WSCD2: variants seen among roughly 807,000 people sequenced by gnomAD.
WSCD2 encodes WSC domain sialate O sulfotransferase 2, also known as sialate:O-sulfotransferase 2.
WSCD2 carries 28 observed loss-of-function variants against 55.7 expected under a neutral mutation model. That is an observed-to-expected ratio of 0.50 (90% CI 0.37 to 0.69). The LOEUF (loss-of-function observed/expected upper bound fraction) is 0.69. WSCD2 is among the 30% of genes least tolerant of loss of function. The pLI is 0.00. For synonymous variants in WSCD2, 301 were observed against 301.9 expected (o/e 1.00, Z 0.03); for missense variants, 616 against 762.1 (o/e 0.81, Z 2.26).
intron 8 of WSCD2, among the ~76,000 whole-genome samples, chr12:108,241,373 A>C (rs1015456902): frequency 6.6e-5 from 10 of 152,288 alleles, no homozygotes; most frequent in African/African-American, 2.4e-4. Context: ...GAGTATTCTT[A>C]ACCGTTCTCA....
intron 1 of WSCD2, among the ~76,000 whole-genome samples, chr12:108,166,398 A>G (rs924640486): frequency 6.6e-6 from 1 of 152,180 alleles, no homozygotes; most frequent in Non-Finnish European, 1.5e-5. Flanking sequence ...CTACATTGAG[A>G]TTCTTAGGGT....
At chr12:108,233,838 G>A (rs970528041) in intron 7 of WSCD2, among the ~76,000 whole-genome samples, 4 of 152,250 alleles carry the variant, frequency 2.6e-5, no homozygotes, top group Admixed American at 2.0e-4. Flanking sequence ...CATCAGGGAA[G>A]CAAGGCCTCC....
At chr12:108,208,465 G>A (rs1265793970) in intron 3 of WSCD2, among the ~76,000 whole-genome samples, 1 of 152,156 alleles carries the variant, frequency 6.6e-6, no homozygotes, top group Non-Finnish European at 1.5e-5. Flanking sequence ...AGGGATGGAG[G>A]GCTCCATGTG....
chr12:108,236,819 TTCTC>T (rs1946112208), intron 7 of WSCD2, among the ~76,000 whole-genome samples: 3 of 152,240 alleles, frequency 2.0e-5, no homozygotes, highest in Admixed American at 1.3e-4. Context: ...AACTGTGTCT[TTCTC>T]TCTCACTGTT....
intron 1 of WSCD2, among the ~76,000 whole-genome samples, chr12:108,146,014 T>C (rs908665742): frequency 5.3e-5 from 8 of 152,196 alleles, no homozygotes; most frequent in Admixed American, 6.5e-5. Context: ...GGTAGTTACC[T>C]CGACTGGAGA....
intron 1 of WSCD2, among the ~76,000 whole-genome samples, chr12:108,141,668 T>A (rs1876824014): frequency 6.6e-6 from 1 of 152,178 alleles, no homozygotes. Flanking sequence ...GGATAATCTC[T>A]CCATCCCAAA....
chr12:108,142,006 C>T (rs1474514485), intron 1 of WSCD2, among the ~76,000 whole-genome samples: 1 of 152,184 alleles, frequency 6.6e-6, no homozygotes, highest in African/African-American at 2.4e-5. Context: ...CACAGCCTTC[C>T]AGGGAGAGGT....
chr12:108,205,486 A>C (rs1367964873), intron 2 of WSCD2, among the ~76,000 whole-genome samples: 1 of 152,252 alleles, frequency 6.6e-6, no homozygotes, highest in African/African-American at 2.4e-5. Flanking sequence ...TATTTACCAT[A>C]AAGTGCAAGA....
At chr12:108,174,663 C>T (rs984441692) in intron 1 of WSCD2, among the ~76,000 whole-genome samples, 2 of 152,150 alleles carry the variant, frequency 1.3e-5, no homozygotes, top group Non-Finnish European at 1.5e-5. Flanking sequence ...TGCCCAGGCT[C>T]GAGTGCAGTG....
Position 108,196,044 on chromosome 12 carries a change from A to G in WSCD2, c.212A>G (p.His71Arg). ...GAGCTGTCCTTCTTGGGTGACATGC[A>G]TCTGGGCAGAGGTTTCCGGGACACA... is the stretch of plus-strand genomic sequence containing the variant. ...GAELSFLGDMHLGRGFRDTGE... is the reference protein window; with the variant it reads ...GAELSFLGDMRLGRGFRDTGE... The change falls in exon 2 of 9, where the codon CAT becomes CGT. Residue 71 changes from histidine (H) to arginine (R), a missense_variant. Around this residue, in one of 3 missense-constraint regions of WSCD2, gnomAD observed 374 missense variants for 467.4 expected, o/e 0.80. Transcript: ENST00000547525. The G allele has an allele frequency of 6.2e-7, 1 of 1,614,170 alleles. No individual in the cohort carries two copies. The highest frequency in any genetic ancestry group is 8.5e-7 in the Non-Finnish European group (1 of 1,180,030).
chr12:108,199,535 G>C (rs1445643643), intron 2 of WSCD2, among the ~76,000 whole-genome samples: 1 of 152,216 alleles, frequency 6.6e-6, no homozygotes, highest in Non-Finnish European at 1.5e-5. Context: ...TGCAGCCTTG[G>C]GCAGGTCGCT....
intron 1 of WSCD2, among the ~76,000 whole-genome samples, chr12:108,166,799 TTCTTTC>T (rs1879704666): frequency 6.8e-6 from 1 of 146,206 alleles, no homozygotes; most frequent in African/African-American, 2.5e-5. Context: ...CTGTCTTTCT[TTCTTTC>T]TCTCTTTTTT....
chr12:108,212,745 C>T (rs1440111374), intron 4 of WSCD2, among the ~76,000 whole-genome samples: 2 of 152,188 alleles, frequency 1.3e-5, no homozygotes, highest in Non-Finnish European at 1.5e-5. Context: ...GCACCCCTCA[C>T]CTGCCCCCTT....
intron 2 of WSCD2, among the ~76,000 whole-genome samples, chr12:108,196,617 G>A (rs1467114871): frequency 6.6e-6 from 1 of 152,214 alleles, no homozygotes; most frequent in Non-Finnish European, 1.5e-5. Context: ...CACAACTGTA[G>A]GTGATAGATT....
intron 1 of WSCD2, among the ~76,000 whole-genome samples, chr12:108,150,608 A>C (rs1001774975): frequency 2.6e-5 from 4 of 152,110 alleles, no homozygotes; most frequent in African/African-American, 9.7e-5. Flanking sequence ...GGAGCACAGA[A>C]GCAGAAGTAA....
chr12:108,247,854 G>C, intron 8 of WSCD2, 137 bp from the exon 9 acceptor site: 1 of 1,015,520 alleles, frequency 9.8e-7, no homozygotes, highest in Non-Finnish European at 1.4e-6. Context: ...ACCTCACCTG[G>C]CCTGTATTAT....
chr12:108,197,779 G>A (rs1052921228), intron 2 of WSCD2, among the ~76,000 whole-genome samples: 11 of 151,818 alleles, frequency 7.2e-5, no homozygotes, highest in African/African-American at 2.7e-4. Flanking sequence ...ATAATGCTTA[G>A]GACAAATTCC....
intron 4 of WSCD2, among the ~76,000 whole-genome samples, chr12:108,222,001 T>C (rs1022610313): frequency 1.1e-4 from 17 of 152,342 alleles, no homozygotes; most frequent in African/African-American, 3.6e-4. Flanking sequence ...CTTAGTTTTC[T>C]TGGCTTGTCA....
intron 2 of WSCD2, among the ~76,000 whole-genome samples, chr12:108,204,561 G>A (rs1362615951): frequency 1.3e-5 from 2 of 152,250 alleles, no homozygotes; most frequent in East Asian, 1.9e-4. Flanking sequence ...GTCAAGGGCT[G>A]TGACTCCATC....
Sources: allele counts gnomAD v4.1 joint callset (sites outside exome capture counted in the v4.1 genomes callset), GRCh38; gene constraint gnomAD v4.1.1; regional missense constraint gnomAD v4.1.1; transcripts MANE v1.5; gene names NCBI Gene and HGNC (gene_info 2026-07-23, HGNC 2026-07-21).